The following PLCB1 variants were observed in gnomAD, a reference collection of about 807,000 sequenced individuals.
PLCB1 encodes the protein phospholipase C beta 1.
A neutral mutation model predicts 161.8 loss-of-function variants in PLCB1; 46 were observed. The ratio of observed to expected loss-of-function variants is 0.28; its 90% CI spans 0.22 to 0.36. The LOEUF (loss-of-function observed/expected upper bound fraction) is 0.36. Ranked by LOEUF, PLCB1 falls within the 10% of genes least tolerant of loss-of-function variation. PLCB1 has a pLI of 1.00. For missense variants in PLCB1, 1,016 were observed against 1,472.5 expected (o/e 0.69, Z 5.07); for synonymous variants, 517 against 503.7 (o/e 1.03, Z -0.35).
chr20:8,354,559 A>C (rs895067981), intron 2 of PLCB1, among the ~76,000 whole-genome samples: 14 of 152,202 alleles, frequency 9.2e-5, no homozygotes, highest in African/African-American at 3.1e-4. Context: ...AATACAAAAC[A>C]AACTTTTTGT....
intron 7 of PLCB1, among the ~76,000 whole-genome samples, chr20:8,653,943 A>G (rs1397397154): frequency 6.6e-6 from 1 of 152,116 alleles, no homozygotes; most frequent in African/African-American, 2.4e-5. Context: ...CCAACTGCAT[A>G]GAGTTGATGG....
At chr20:8,174,408 C>T (rs1314845712) in intron 2 of PLCB1, among the ~76,000 whole-genome samples, 1 of 152,092 alleles carries the variant, frequency 6.6e-6, no homozygotes, top group African/African-American at 2.4e-5. Flanking sequence ...GGATTTCTCT[C>T]AGATGATGAA....
At chr20:8,848,854 C>T (rs1986787766) in intron 31 of PLCB1, among the ~76,000 whole-genome samples, 1 of 152,240 alleles carries the variant, frequency 6.6e-6, no homozygotes, top group African/African-American at 2.4e-5. Flanking sequence ...GCAGAAGGAT[C>T]AGAGCTAAAG....
chr20:8,766,189 C>A (rs534526907), intron 26 of PLCB1, among the ~76,000 whole-genome samples: 6 of 152,232 alleles, frequency 3.9e-5, no homozygotes, highest in Non-Finnish European at 7.4e-5. Context: ...ATAAACATGA[C>A]CTACCCAATC....
chr20:8,332,281 C>T (rs1444710720), intron 2 of PLCB1, among the ~76,000 whole-genome samples: 1 of 152,222 alleles, frequency 6.6e-6, no homozygotes, highest in Admixed American at 6.5e-5. Flanking sequence ...GATGCCTCTG[C>T]TTCTGCATTC....
At chr20:8,821,468 A>G (rs1985359190) in intron 31 of PLCB1, among the ~76,000 whole-genome samples, 1 of 110,864 alleles carries the variant, frequency 9.0e-6, no homozygotes, top group Non-Finnish European at 1.7e-5. Context: ...ACAGAGCAAG[A>G]TTCCGTCTCA....
At chr20:8,535,152 G>T (rs1471261843) in intron 3 of PLCB1, among the ~76,000 whole-genome samples, 3 of 121,706 alleles carry the variant, frequency 2.5e-5, no homozygotes. Flanking sequence ...GAATTTCTTA[G>T]CTGACCATTC....
rs533338265 is a variant in PLCB1, at chr20:8,857,853, T to A, written c.3424-23769T>A. ...CCTTCTATTTAGTTTGTTTTTGTTT[T>A]GCCTTTAGCCACATGTTCCTTCTTA... On this transcript the variant is annotated intron_variant, in intron 31 of 31. Transcript: ENST00000338037. 1.2e-4 allele frequency among the ~76,000 whole-genome samples: 19 copies of A among 152,374 alleles called. 2 individuals carry two copies. Among genetic ancestry groups the A allele is most frequent in the African/African-American group, 4.6e-4 (19 of 41,590 alleles).
intron 3 of PLCB1, among the ~76,000 whole-genome samples, chr20:8,610,477 C>A (rs1172521508): frequency 6.6e-6 from 1 of 152,062 alleles, no homozygotes; most frequent in East Asian, 1.9e-4. Context: ...GACATGTTTT[C>A]ATTTCTCGTA....
chr20:8,654,946 T>C (rs374602856), intron 7 of PLCB1, among the ~76,000 whole-genome samples: 3 of 152,076 alleles, frequency 2.0e-5, no homozygotes, highest in Admixed American at 1.3e-4. Flanking sequence ...TTATGGAACA[T>C]TTTTTCTTCC....
rs535405117 is a variant in PLCB1 at position 8,322,520 on chromosome 20, T to G, written c.178-48862T>G. Among the ~76,000 whole-genome samples, 3 of 147,950 alleles carry G rather than the reference T, an allele frequency of 2.0e-5. No individual in the cohort carries two copies. The South Asian group carries it at 6.7e-4, about 33-fold the overall frequency. ...TATTACACTGGAATCTTAATAGTTC[T>G]TGCTGATAGTGCCCTTAAGGTTAAA... On this transcript the variant is annotated intron_variant, in intron 2 of 31. Transcript: ENST00000338037.
chr20:8,137,310 G>A (rs1185572275), intron 1 of PLCB1, among the ~76,000 whole-genome samples: 1 of 152,196 alleles, frequency 6.6e-6, no homozygotes, highest in Non-Finnish European at 1.5e-5. Context: ...AAGGGTTTGC[G>A]AGGTGGGAAT....
intron 9 of PLCB1, among the ~76,000 whole-genome samples, chr20:8,679,326 T>C (rs1283658264): frequency 6.6e-6 from 1 of 152,214 alleles, no homozygotes; most frequent in Non-Finnish European, 1.5e-5. Context: ...CACTCCACAA[T>C]GCTCTTCTAG....
chr20:8,704,238 C>G (rs1342752770), intron 11 of PLCB1, among the ~76,000 whole-genome samples: 2 of 151,984 alleles, frequency 1.3e-5, no homozygotes, highest in South Asian at 2.1e-4. Flanking sequence ...GCCTGTAGTC[C>G]CAGCTGCCTG....
At chr20:8,817,098 A>C (rs1202690457) in intron 31 of PLCB1, among the ~76,000 whole-genome samples, 6 of 152,238 alleles carry the variant, frequency 3.9e-5, no homozygotes, top group Admixed American at 3.9e-4. Context: ...CCTCTGCCAT[A>C]GAAAATGCCG....
chr20:8,325,906 C>G (rs963031665), intron 2 of PLCB1, among the ~76,000 whole-genome samples: 1 of 152,284 alleles, frequency 6.6e-6, no homozygotes, highest in African/African-American at 2.4e-5. Context: ...AGGACAACAC[C>G]TTCATTTGAA....
chr20:8,814,420 G>C (rs1984981713), intron 31 of PLCB1, among the ~76,000 whole-genome samples: 2 of 152,170 alleles, frequency 1.3e-5, no homozygotes, highest in South Asian at 4.1e-4. Context: ...ACTTATCAAA[G>C]AGTAGAGTAG....
intron 10 of PLCB1, 54 bp from the exon 11 acceptor site, chr20:8,697,572 A>G: frequency 6.3e-7 from 1 of 1,586,490 alleles, no homozygotes; most frequent in Non-Finnish European, 8.6e-7. Flanking sequence ...AGAAAGCACC[A>G]CGGTCATCCT....
intron 10 of PLCB1, among the ~76,000 whole-genome samples, chr20:8,692,232 G>C (rs1990495818): frequency 6.6e-6 from 1 of 152,070 alleles, no homozygotes; most frequent in Non-Finnish European, 1.5e-5. Flanking sequence ...CTGAAGAAAA[G>C]TTCTAAAAAT....
Sources: gnomAD v4.1 joint callset for allele counts (sites outside exome capture counted in the v4.1 genomes callset) on GRCh38, gnomAD v4.1.1 for gene constraint, MANE v1.5 for transcripts, NCBI Gene and HGNC (gene_info 2026-07-23, HGNC 2026-07-21) for gene names.